The following ROBO2 variants were observed in gnomAD, a reference collection of about 807,000 sequenced individuals.
ROBO2 encodes roundabout guidance receptor 2, also known as roundabout homolog 2.
A neutral mutation model predicts 160.8 loss-of-function variants in ROBO2; 53 were observed. The ratio of observed to expected loss-of-function variants is 0.33; its 90% CI spans 0.26 to 0.41. ROBO2 has a LOEUF of 0.41. ROBO2 is among the 10% of genes least tolerant of loss of function. The pLI, the probability that ROBO2 is intolerant of heterozygous loss-of-function variation, is 1.00. For missense variants in ROBO2, 1,577 were observed against 1,722.4 expected (o/e 0.92, Z 1.49); for synonymous variants, 664 against 611.7 (o/e 1.09, Z -1.26).
chr3:76,765,794 C>T (rs1172989290), intron 2 of ROBO2, among the ~76,000 whole-genome samples: 1 of 151,662 alleles, frequency 6.6e-6, no homozygotes, highest in East Asian at 2.0e-4. Flanking sequence ...TGAGACACTC[C>T]AGGTGCAAAC....
chr3:76,485,717 T>G (rs538503527), intron 2 of ROBO2, among the ~76,000 whole-genome samples: 1 of 152,326 alleles, frequency 6.6e-6, no homozygotes, highest in South Asian at 2.1e-4. Context: ...GAAGTAAAAC[T>G]GTCTAGAACC....
At chr3:76,360,053 G>A (rs537990788) in intron 2 of ROBO2, among the ~76,000 whole-genome samples, 3 of 152,094 alleles carry the variant, frequency 2.0e-5, no homozygotes, top group South Asian at 2.1e-4. Flanking sequence ...CATGACCAGC[G>A]TAGTTCTCTA....
chr3:75,964,626 C>G (rs1949040528), intron 2 of ROBO2, among the ~76,000 whole-genome samples: 1 of 151,512 alleles, frequency 6.6e-6, no homozygotes, highest in Non-Finnish European at 1.5e-5. Context: ...CTTTAGACAA[C>G]ATGAAAATAT....
chr3:76,934,542 C>G (rs914572689), intron 2 of ROBO2, among the ~76,000 whole-genome samples: 10 of 151,866 alleles, frequency 6.6e-5, no homozygotes, highest in Admixed American at 2.0e-4. Context: ...AGAGATCGAT[C>G]GAGACCGTCC....
intron 2 of ROBO2, among the ~76,000 whole-genome samples, chr3:76,286,461 T>C (rs939491516): frequency 3.3e-5 from 5 of 152,124 alleles, no homozygotes; most frequent in African/African-American, 7.2e-5. Flanking sequence ...TGCATAATCA[T>C]TGAAGAATGA....
intron 2 of ROBO2, among the ~76,000 whole-genome samples, chr3:76,961,951 T>C (rs2079694958): frequency 1.3e-5 from 2 of 152,238 alleles, no homozygotes; most frequent in South Asian, 2.1e-4. Flanking sequence ...GTGATCCCAA[T>C]GCTTTGGGAG....
chr3:77,371,498 C>T (rs1192147795), intron 2 of ROBO2, among the ~76,000 whole-genome samples: 1 of 152,124 alleles, frequency 6.6e-6, no homozygotes, highest in Non-Finnish European at 1.5e-5. Flanking sequence ...CATACTAGGG[C>T]CTTACTTACA....
At chr3:76,173,566 T>C (rs184582372) in intron 2 of ROBO2, among the ~76,000 whole-genome samples, 6 of 151,884 alleles carry the variant, frequency 4.0e-5, no homozygotes, top group Non-Finnish European at 8.8e-5. Flanking sequence ...CCTGTGTCCA[T>C]GTGTTCTTAT....
intron 2 of ROBO2, among the ~76,000 whole-genome samples, chr3:76,300,219 A>T (rs1398443390): frequency 6.6e-6 from 1 of 152,034 alleles, no homozygotes; most frequent in Non-Finnish European, 1.5e-5. Context: ...CTGTGTGTTG[A>T]TAAGAAATCT....
intron 2 of ROBO2, among the ~76,000 whole-genome samples, chr3:76,780,600 A>AT (rs983465676): frequency 2.0e-5 from 3 of 150,672 alleles, no homozygotes; most frequent in African/African-American, 7.3e-5. Context: ...TTTTGAGTTG[A>AT]TTTTTGTGTA....
chr3:76,419,755 G>A (rs1206296833), intron 2 of ROBO2, among the ~76,000 whole-genome samples: 1 of 152,058 alleles, frequency 6.6e-6, no homozygotes, highest in African/African-American at 2.4e-5. Context: ...TAATAGTAAT[G>A]GGAATCATGT....
At chr3:76,206,636 C>T (rs1002199271) in intron 2 of ROBO2, among the ~76,000 whole-genome samples, 88 of 152,290 alleles carry the variant, frequency 5.8e-4, no homozygotes, top group African/African-American at 1.9e-3. Flanking sequence ...CCCCCTTCAC[C>T]ACTGCTTGAG....
chr3:76,818,690 C>T (rs1218911690), intron 2 of ROBO2, among the ~76,000 whole-genome samples: 1 of 151,994 alleles, frequency 6.6e-6, no homozygotes, highest in African/African-American at 2.4e-5. Flanking sequence ...GACAATTATC[C>T]AGGCACCATT....
intron 2 of ROBO2, among the ~76,000 whole-genome samples, chr3:77,373,887 G>T (rs1393204880): frequency 3.6e-5 from 5 of 139,236 alleles, no homozygotes; most frequent in Non-Finnish European, 4.7e-5. Context: ...AAAAAAAAAT[G>T]TTGGCGGGGC....
intron 2 of ROBO2, among the ~76,000 whole-genome samples, chr3:77,263,434 T>C (rs1446735725): frequency 6.6e-6 from 1 of 152,158 alleles, no homozygotes; most frequent in Non-Finnish European, 1.5e-5. Context: ...GGCCTCAGTG[T>C]GTGTTCTTCC....
intron 2 of ROBO2, among the ~76,000 whole-genome samples, chr3:77,291,143 A>G (rs1258617722): frequency 1.3e-5 from 2 of 151,496 alleles, no homozygotes; most frequent in African/African-American, 4.9e-5. Context: ...AGTAAAACTG[A>G]TGGTTAAACG....
intron 2 of ROBO2, among the ~76,000 whole-genome samples, chr3:76,049,274 C>G (rs1221661440): frequency 1.3e-5 from 2 of 151,306 alleles, no homozygotes; most frequent in East Asian, 3.9e-4. Flanking sequence ...GTGGTGTGAC[C>G]ACAGCTCACT....
At position 76,544,352 on chromosome 3, in the gene ROBO2, A is replaced by G. The variant is rs551626533; in HGVS notation, c.110-553662A>G. Among the ~76,000 whole-genome samples, 5 of 152,212 alleles carry G rather than the reference A, an allele frequency of 3.3e-5. No individual in the cohort carries two copies. In the South Asian group the frequency reaches 1.0e-3, roughly 32 times the overall value. ...CCATCTATGTTTAATCTTTTAAAAAATGAAAATATAGATGTATTTTGAAAG... is the reference window on the plus strand; with the variant it reads ...CCATCTATGTTTAATCTTTTAAAAAGTGAAAATATAGATGTATTTTGAAAG... On this transcript the variant is annotated intron_variant, in intron 2 of 26. Coordinates refer to the ROBO2 transcript ENST00000487694.
At chr3:77,416,777 G>T (rs1352660033) in intron 2 of ROBO2, among the ~76,000 whole-genome samples, 1 of 151,302 alleles carries the variant, frequency 6.6e-6, no homozygotes, top group Admixed American at 6.6e-5. Flanking sequence ...ATCAACAAGG[G>T]CAATAAATGT....
Sources: gnomAD v4.1 joint callset for allele counts (sites outside exome capture counted in the v4.1 genomes callset) on GRCh38, gnomAD v4.1.1 for gene constraint, MANE v1.5 for transcripts, NCBI Gene and HGNC (gene_info 2026-07-23, HGNC 2026-07-21) for gene names.